Variants in TRPM3 observed in about 807,000 individuals in gnomAD.
The protein encoded by TRPM3 is long transient receptor potential channel 3.
A neutral mutation model predicts 181.2 loss-of-function variants in TRPM3; 77 were observed. The ratio of observed to expected loss-of-function variants is 0.42; its 90% confidence interval spans 0.35 to 0.51. TRPM3 has a LOEUF of 0.51. Among genes scored for constraint, TRPM3 ranks in the 20% least tolerant of loss-of-function variants. TRPM3 has a pLI of 0.01. For missense variants in TRPM3, 1,759 were observed against 2,196.7 expected (o/e 0.80, Z 3.98); for synonymous variants, 745 against 796.4 (o/e 0.94, Z 1.09).
At chr9:71,113,427 G>C (rs1186641384) in intron 1 of TRPM3, among the ~76,000 whole-genome samples, 1 of 152,146 alleles carries the variant, frequency 6.6e-6, no homozygotes, top group East Asian at 1.9e-4. Context: ...AAAAGGAGCA[G>C]ATGAGAGGGA....
At chr9:71,062,699 T>A (rs2061464878) in intron 1 of TRPM3, among the ~76,000 whole-genome samples, 1 of 152,066 alleles carries the variant, frequency 6.6e-6, no homozygotes, top group Non-Finnish European at 1.5e-5. Context: ...TATTAGGTCA[T>A]AAGGGCTCTA....
chr9:71,287,637 GA>G (rs34955327), intron 1 of TRPM3, among the ~76,000 whole-genome samples: 1,439 of 125,910 alleles, frequency 0.011, 18 homozygotes, highest in African/African-American at 0.036. Flanking sequence ...CATTTACTCA[GA>G]AAAAAAAAAA....
At chr9:70,677,757 T>C (rs1304792884) in intron 9 of TRPM3, among the ~76,000 whole-genome samples, 1 of 152,214 alleles carries the variant, frequency 6.6e-6, no homozygotes, top group African/African-American at 2.4e-5. Context: ...ATATTTGTTA[T>C]GCTTTTCTCT....
At chr9:70,697,585 AC>A (rs1428452133) in intron 8 of TRPM3, among the ~76,000 whole-genome samples, 1 of 152,176 alleles carries the variant, frequency 6.6e-6, no homozygotes, top group Non-Finnish European at 1.5e-5. Flanking sequence ...CAGACTATTA[AC>A]TTTTTTTTTA....
In TRPM3 at chr9:71,220,817, A is replaced by C. The variant is rs184613148; in HGVS notation, c.183+225836T>G. On this transcript the variant is annotated intron_variant, in intron 1 of 24. Coordinates refer to the TRPM3 transcript ENST00000357533. Reference sequence around the variant, plus strand: ...CCCTCCAAAGAGCGCTCCCAAGGAAAAAGCTGACCAACTTATTGACACCAT... The same window carrying C: ...CCCTCCAAAGAGCGCTCCCAAGGAACAAGCTGACCAACTTATTGACACCAT... Among the ~76,000 whole-genome samples, 450 of 152,216 alleles carry C rather than the reference A, an allele frequency of 3.0e-3. 1 individual carries two copies. Among genetic ancestry groups the C allele is most frequent in the Non-Finnish European group, 4.7e-3 (318 of 68,004 alleles).
At chr9:71,016,229 ATG>A (rs1371736847) in intron 1 of TRPM3, among the ~76,000 whole-genome samples, 6 of 95,242 alleles carry the variant, frequency 6.3e-5, no homozygotes, top group Middle Eastern at 5.2e-3. Flanking sequence ...GTGATTATAC[ATG>A]TGTGGTGTGT....
chr9:71,308,370 A>C (rs1588419090), intron 1 of TRPM3, among the ~76,000 whole-genome samples: 1 of 152,326 alleles, frequency 6.6e-6, no homozygotes, highest in East Asian at 1.9e-4. Flanking sequence ...GCATGAATTC[A>C]GGAAAATTGA....
At chr9:71,020,414 G>A (rs968523319) in intron 1 of TRPM3, among the ~76,000 whole-genome samples, 2 of 151,622 alleles carry the variant, frequency 1.3e-5, no homozygotes, top group African/African-American at 4.9e-5. Context: ...GGAGATTGAG[G>A]CTATGCTGAA....
intron 1 of TRPM3, among the ~76,000 whole-genome samples, chr9:71,266,958 G>GC (rs151258497): frequency 0.28 from 39,287 of 139,956 alleles, 5,401 homozygotes; most frequent in Middle Eastern, 0.39. Context: ...TACTTCTCTG[G>GC]CCAAAAAAAA....
intron 1 of TRPM3, among the ~76,000 whole-genome samples, chr9:71,397,252 A>C (rs1222958508): frequency 6.6e-6 from 1 of 152,188 alleles, no homozygotes; most frequent in Non-Finnish European, 1.5e-5. Flanking sequence ...TTTTATCTGG[A>C]GGGTATTGGT....
intron 1 of TRPM3, among the ~76,000 whole-genome samples, chr9:71,395,484 T>C (rs2093168483): frequency 6.6e-6 from 1 of 152,184 alleles, no homozygotes; most frequent in South Asian, 2.1e-4. Flanking sequence ...GAGTGCTTTG[T>C]TTGAGAAGCA....
intron 1 of TRPM3, among the ~76,000 whole-genome samples, chr9:70,871,997 A>G (rs1205625720): frequency 6.6e-6 from 1 of 152,042 alleles, no homozygotes; most frequent in Non-Finnish European, 1.5e-5. Context: ...TGGAAAATGC[A>G]TATTTCATTA....
At chr9:71,320,611 A>G (rs1463632392) in intron 1 of TRPM3, among the ~76,000 whole-genome samples, 6 of 152,170 alleles carry the variant, frequency 3.9e-5, no homozygotes, top group African/African-American at 1.4e-4. Flanking sequence ...GACCCAGTGT[A>G]TAAATACTGA....
intron 22 of TRPM3, among the ~76,000 whole-genome samples, chr9:70,571,857 C>G (rs547159110): frequency 6.6e-6 from 1 of 152,254 alleles, no homozygotes; most frequent in South Asian, 2.1e-4. Flanking sequence ...ATTGATCCTT[C>G]TCTTTGCTTC....
At chr9:71,168,614 TTTA>T (rs1565298280) in intron 1 of TRPM3, among the ~76,000 whole-genome samples, 84 of 126,040 alleles carry the variant, frequency 6.7e-4, no homozygotes, top group Admixed American at 2.9e-3. Context: ...TATTTATTTT[TTTA>T]TTATTATTTT....
intron 25 of TRPM3, among the ~76,000 whole-genome samples, chr9:70,545,734 G>A (rs2044710079): frequency 6.6e-6 from 1 of 151,948 alleles, no homozygotes; most frequent in South Asian, 2.1e-4. Context: ...TTTCAGTAGA[G>A]ATGGGGTTTC....
intron 1 of TRPM3, among the ~76,000 whole-genome samples, chr9:70,885,680 C>T (rs370334526): frequency 6.6e-6 from 1 of 152,172 alleles, no homozygotes; most frequent in East Asian, 1.9e-4. Context: ...AACCTTAGCT[C>T]GCTTCCAAAG....
chr9:70,593,671 A>G (rs2058504482), intron 21 of TRPM3, among the ~76,000 whole-genome samples: 1 of 152,006 alleles, frequency 6.6e-6, no homozygotes, highest in Admixed American at 6.6e-5. Context: ...CTTTCATACA[A>G]ATACCAAAAT....
chr9:70,882,921 T>C (rs2096019367), intron 1 of TRPM3, among the ~76,000 whole-genome samples: 1 of 152,216 alleles, frequency 6.6e-6, no homozygotes, highest in Non-Finnish European at 1.5e-5. Context: ...GACTCCTTTA[T>C]TTTACTGAGT....
Sources: gnomAD v4.1 joint callset for allele counts (sites outside exome capture counted in the v4.1 genomes callset) on GRCh38, gnomAD v4.1.1 for gene constraint, MANE v1.5 for transcripts, NCBI Gene and HGNC (gene_info 2026-07-23, HGNC 2026-07-21) for gene names.